SLC22A25: variants seen among roughly 807,000 people sequenced by gnomAD.
SLC22A25 encodes the protein MGI:2442751, MGI:2385316, MGI:3042283, MGI:3645714, MGI:3605624, MGI:2442750.
SLC22A25 carries 44 observed loss-of-function variants against 45.9 expected under a neutral mutation model. The observed-to-expected ratio is 0.96, with a 90% CI of 0.75 to 1.23. SLC22A25 has a LOEUF of 1.23. Ranked by LOEUF, SLC22A25 falls within the 50% of genes most tolerant of loss-of-function variation. The pLI is 0.00. For missense variants in SLC22A25, 800 were observed against 666.4 expected (o/e 1.20, Z -2.21); for synonymous variants, 283 against 238.6 (o/e 1.19, Z -1.72).
rs938342324 is a variant in SLC22A25, at chr11:63,162,558, C to A, written c.*1266G>T. On this transcript the variant is annotated 3_prime_UTR_variant, in exon 12 of 12. Coordinates refer to ENST00000306494, the MANE Select transcript of SLC22A25 (RefSeq NM_199352.6). ...GAAAATGAGGTTTTTCCACTTTTTTCATTTTTTACATTGTAATTATTTAAG... is the reference window on the plus strand; with the variant it reads ...GAAAATGAGGTTTTTCCACTTTTTTAATTTTTTACATTGTAATTATTTAAG... Among the ~76,000 whole-genome samples the A allele has an allele frequency of 6.6e-6, 1 of 151,940 alleles. No homozygotes were observed. Among genetic ancestry groups the A allele is most frequent in the African/African-American group, 2.4e-5 (1 of 41,390 alleles).
intron 9 of SLC22A25, among the ~76,000 whole-genome samples, chr11:63,170,071 T>TA: frequency 6.6e-6 from 1 of 152,168 alleles, no homozygotes; most frequent in Middle Eastern, 3.4e-3. Context: ...GACTACTGGG[T>TA]AAATAATGAA....
chr11:63,177,839 G>GTATATATATAATGTATATATATAA (rs1554969794), intron 9 of SLC22A25, among the ~76,000 whole-genome samples: 2 of 51,768 alleles, frequency 3.9e-5, no homozygotes, highest in Non-Finnish European at 7.5e-5. Flanking sequence ...TATATAATGT[G>GTATATATATAATGTATATATATAA]TATATATATA....
chr11:63,169,077 T>A (rs1031905482), intron 9 of SLC22A25, among the ~76,000 whole-genome samples: 11 of 152,158 alleles, frequency 7.2e-5, no homozygotes, highest in Non-Finnish European at 1.5e-4. Context: ...CTAAGCTTCA[T>A]AAGCAAAGGA....
intron 9 of SLC22A25, among the ~76,000 whole-genome samples, chr11:63,179,491 G>T (rs1248579378): frequency 6.6e-6 from 1 of 152,068 alleles, no homozygotes; most frequent in African/African-American, 2.4e-5. Context: ...TGTGCATGTA[G>T]ATTCCTAATT....
At position 63,230,897 on chromosome 11, in the gene SLC22A25, G is replaced by A. The variant is rs140110387; in HGVS notation, c.-444-801C>T. ...TTCCCACCTATGAGTGAGAACATGCGGTGTTTGGTTTTTTGTCCTTGAGAT... is the reference window on the plus strand; with the variant it reads ...TTCCCACCTATGAGTGAGAACATGCAGTGTTTGGTTTTTTGTCCTTGAGAT... On this transcript the variant is annotated intron_variant, in intron 3 of 11. Coordinates refer to ENST00000306494, the MANE Select transcript of SLC22A25 (RefSeq NM_199352.6). 1.3e-3 allele frequency among the ~76,000 whole-genome samples: 194 copies of A among 152,162 alleles called. 5 individuals carry two copies. In the East Asian group the frequency reaches 0.032, roughly 25 times the overall value.
At chr11:63,226,638 T>C (rs1416673562) in intron 5 of SLC22A25, among the ~76,000 whole-genome samples, 2 of 152,220 alleles carry the variant, frequency 1.3e-5, no homozygotes, top group Non-Finnish European at 2.9e-5. Flanking sequence ...AAGGTAAGCA[T>C]TTCCTTGTTA....
At chr11:63,228,353 C>A in intron 5 of SLC22A25, 108 bp downstream of exon 5, 1 of 819,622 alleles carries the variant, frequency 1.2e-6, no homozygotes, top group East Asian at 2.6e-5. Flanking sequence ...CCCTGGGGAC[C>A]AAGGGAGCAA....
Position 63,243,441 on chromosome 11 carries a change from G to C in SLC22A25, c.-1003C>G, listed in dbSNP as rs540827645. 7.3e-4 allele frequency: 548 copies of C among 753,520 alleles called. 5 individuals are homozygous for C. The highest frequency in any genetic ancestry group is 1.0e-3 in the Non-Finnish European group (407 of 401,742). 46.7% of individuals were successfully genotyped at this position (753,520 alleles called of 1,614,324 possible). On this transcript the variant is annotated 5_prime_UTR_variant, in exon 1 of 12. Coordinates refer to ENST00000306494, the MANE Select transcript of SLC22A25 (RefSeq NM_199352.6). ...CCTCTGGCCACGATTTACCTGGACT[G>C]TTTCTTCGCCAGGATCCCAACTTCA...
At chr11:63,226,999 G>C (rs2089975718) in intron 5 of SLC22A25, among the ~76,000 whole-genome samples, 1 of 152,092 alleles carries the variant, frequency 6.6e-6, no homozygotes, top group Non-Finnish European at 1.5e-5. Flanking sequence ...GTCAGCTTGT[G>C]GTGAATGCTT....
chr11:63,169,796 TC>T (rs1251617552), intron 9 of SLC22A25, among the ~76,000 whole-genome samples: 1 of 152,180 alleles, frequency 6.6e-6, no homozygotes, highest in East Asian at 1.9e-4. Context: ...TGAACTCAAC[TC>T]TGGACCAAGT....
At chr11:63,230,511 C>T (rs767290436) in intron 3 of SLC22A25, among the ~76,000 whole-genome samples, 57 of 152,158 alleles carry the variant, frequency 3.7e-4, no homozygotes, top group Middle Eastern at 3.4e-3. Flanking sequence ...TTATGTGAGA[C>T]GCACAATGTG....
chr11:63,159,595 A>G lies in SLC22A25; in HGVS notation c.*4229T>C, dbSNP rs563162791. ...CTTTATAACTTACCCAGTCTCAGGT[A>G]TGTCTTTATCAGCAGCATGAGAAAT... On this transcript the variant is annotated 3_prime_UTR_variant, in exon 12 of 12. Coordinates refer to ENST00000306494, the MANE Select transcript of SLC22A25 (RefSeq NM_199352.6). Among the ~76,000 whole-genome samples, 10 of 152,338 alleles carry G rather than the reference A, an allele frequency of 6.6e-5. No homozygotes were observed. Among genetic ancestry groups the G allele is most frequent in the African/African-American group, 2.4e-4 (10 of 41,578 alleles).
At chr11:63,182,691 C>A (rs1225355579) in intron 8 of SLC22A25, among the ~76,000 whole-genome samples, 2 of 151,932 alleles carry the variant, frequency 1.3e-5, no homozygotes, top group African/African-American at 4.8e-5. Flanking sequence ...TTCTGTTGAA[C>A]GTTAACTCAC....
At chr11:63,232,380 A>C (rs1395752578) in intron 3 of SLC22A25, among the ~76,000 whole-genome samples, 2 of 152,028 alleles carry the variant, frequency 1.3e-5, no homozygotes, top group African/African-American at 4.8e-5. Flanking sequence ...TAGGTATTTT[A>C]TTCTCTTTGA....
chr11:63,229,819 C>A lies in SLC22A25; in HGVS notation c.-167G>T, dbSNP rs1169011224. Among the ~76,000 whole-genome samples, 1 of 152,160 alleles carries A rather than the reference C, an allele frequency of 6.6e-6. No individual in the cohort carries two copies. The highest frequency in any genetic ancestry group is 1.5e-5 in the Non-Finnish European group (1 of 68,032). On this transcript the variant is annotated 5_prime_UTR_variant, in exon 4 of 12. Coordinates refer to ENST00000306494, the MANE Select transcript of SLC22A25 (RefSeq NM_199352.6). ...CCCATCTGCAGCAGGGTCACGGAAG[C>A]AATTTCCTCAAGTAGTTTTGGGGTC...
intron 5 of SLC22A25, among the ~76,000 whole-genome samples, chr11:63,227,446 G>A (rs2089984479): frequency 6.6e-6 from 1 of 152,222 alleles, no homozygotes; most frequent in South Asian, 2.1e-4. Flanking sequence ...TCATCCAGGA[G>A]TTAGGTCCTC....
chr11:63,212,050 A>C (rs1288405073), intron 7 of SLC22A25, among the ~76,000 whole-genome samples: 2 of 152,260 alleles, frequency 1.3e-5, no homozygotes, highest in Non-Finnish European at 2.9e-5. Context: ...TTATGCAGCC[A>C]AAAGACACAC....
At chr11:63,233,243 G>T (rs1050108764) in intron 3 of SLC22A25, among the ~76,000 whole-genome samples, 1 of 152,062 alleles carries the variant, frequency 6.6e-6, no homozygotes, top group Non-Finnish European at 1.5e-5. Flanking sequence ...GGTAGAATTC[G>T]GCTGTGAACC....
chr11:63,238,514 T>C (rs1157756729), intron 2 of SLC22A25, among the ~76,000 whole-genome samples: 1 of 152,230 alleles, frequency 6.6e-6, no homozygotes, highest in Non-Finnish European at 1.5e-5. Flanking sequence ...AGCACTATGA[T>C]AGCAGTGTAC....
Sources: allele counts gnomAD v4.1 joint callset (sites outside exome capture counted in the v4.1 genomes callset), GRCh38; gene constraint gnomAD v4.1.1; transcripts MANE v1.5; gene names NCBI Gene and HGNC (gene_info 2026-07-23, HGNC 2026-07-21).